SMARCC1: variants seen among roughly 807,000 people sequenced by gnomAD.
SMARCC1 encodes SWI/SNF complex subunit SMARCC1.
A neutral mutation model predicts 147.4 loss-of-function variants in SMARCC1; 43 were observed. That is an observed-to-expected ratio of 0.29 (90% CI 0.23 to 0.38). The LOEUF (loss-of-function observed/expected upper bound fraction) is 0.38. SMARCC1 is among the 10% of genes least tolerant of loss of function. The probability of loss-of-function intolerance (pLI) is 1.00; values close to 1 mark genes in which losing one functional copy is unlikely to be tolerated. For missense variants in SMARCC1, 1,119 were observed against 1,381.1 expected (o/e 0.81, Z 3.01); for synonymous variants, 495 against 484.4 (o/e 1.02, Z -0.29).
chr3:47,628,555 G>C (rs2032843982), intron 24 of SMARCC1, among the ~76,000 whole-genome samples: 1 of 152,116 alleles, frequency 6.6e-6, no homozygotes, highest in South Asian at 2.1e-4. Context: ...GAAAACATAG[G>C]TGTGGCTTTT....
intron 25 of SMARCC1, among the ~76,000 whole-genome samples, chr3:47,615,411 A>G (rs929641169): frequency 2.6e-5 from 4 of 152,204 alleles, no homozygotes; most frequent in Non-Finnish European, 5.9e-5. Context: ...CAGTCTCCTA[A>G]GCAATCATTC....
intron 7 of SMARCC1, among the ~76,000 whole-genome samples, chr3:47,716,072 T>C (rs1229604335): frequency 6.6e-6 from 1 of 151,296 alleles, no homozygotes; most frequent in Non-Finnish European, 1.5e-5. Flanking sequence ...TCTAGTATGA[T>C]GACAAGTATT....
chr3:47,702,576 C>A (rs976893893), intron 10 of SMARCC1, among the ~76,000 whole-genome samples: 1 of 152,014 alleles, frequency 6.6e-6, no homozygotes, highest in African/African-American at 2.4e-5. Flanking sequence ...GGAAACAGGG[C>A]GAGACCCCAT....
At chr3:47,777,763 G>C (rs1446704867) in intron 1 of SMARCC1, among the ~76,000 whole-genome samples, 1 of 151,666 alleles carries the variant, frequency 6.6e-6, no homozygotes, top group African/African-American at 2.4e-5. Context: ...CCTGACCTCA[G>C]GTGATCCACC....
intron 21 of SMARCC1, among the ~76,000 whole-genome samples, chr3:47,648,407 G>C (rs1359787267): frequency 6.6e-6 from 1 of 151,878 alleles, no homozygotes; most frequent in African/African-American, 2.4e-5. Flanking sequence ...TTTTTTAAGA[G>C]ACAGAGTCTT....
At chr3:47,766,604 T>C (rs2034843787) in intron 2 of SMARCC1, among the ~76,000 whole-genome samples, 1 of 152,074 alleles carries the variant, frequency 6.6e-6, no homozygotes. Flanking sequence ...CTCTATCCTA[T>C]TATTACAATT....
intron 9 of SMARCC1, among the ~76,000 whole-genome samples, chr3:47,707,649 G>A (rs952984530): frequency 1.3e-5 from 2 of 152,034 alleles, no homozygotes; most frequent in African/African-American, 4.8e-5. Flanking sequence ...CGAGGCGGGG[G>A]GAATGCTTGA....
chr3:47,692,022 T>C (rs2033796437), intron 12 of SMARCC1, among the ~76,000 whole-genome samples: 1 of 152,154 alleles, frequency 6.6e-6, no homozygotes, highest in South Asian at 2.1e-4. Flanking sequence ...GACTGCAATT[T>C]ATTCAAATAC....
intron 14 of SMARCC1, among the ~76,000 whole-genome samples, chr3:47,683,085 C>G (rs547343820): frequency 5.6e-4 from 85 of 152,316 alleles, no homozygotes; most frequent in African/African-American, 2.0e-3. Flanking sequence ...CTCTGTCGCC[C>G]AGGCTGGAGT....
At chr3:47,716,850 A>G (rs1346055945) in intron 7 of SMARCC1, among the ~76,000 whole-genome samples, 1 of 152,234 alleles carries the variant, frequency 6.6e-6, no homozygotes, top group Admixed American at 6.5e-5. Flanking sequence ...GCCTAGTCAC[A>G]TGTACTTGTA....
chr3:47,656,661 T>A (rs1559636519), intron 21 of SMARCC1, among the ~76,000 whole-genome samples: 1 of 152,128 alleles, frequency 6.6e-6, no homozygotes, highest in African/African-American at 2.4e-5. Context: ...ATGCCTGTAA[T>A]CCCAGCACTT....
chr3:47,769,376 C>T (rs1016781236), intron 2 of SMARCC1, among the ~76,000 whole-genome samples: 8 of 151,450 alleles, frequency 5.3e-5, no homozygotes, highest in East Asian at 3.9e-4. Flanking sequence ...ATTAGCCGGG[C>T]GCAGTGGCAG....
intron 21 of SMARCC1, among the ~76,000 whole-genome samples, chr3:47,651,105 G>C (rs1050344862): frequency 6.6e-6 from 1 of 152,086 alleles, no homozygotes; most frequent in East Asian, 1.9e-4. Context: ...AGGAGTTTGA[G>C]ACCAGCCTAA....
At chr3:47,606,653 T>C (rs1171497745) in intron 26 of SMARCC1, among the ~76,000 whole-genome samples, 1 of 152,166 alleles carries the variant, frequency 6.6e-6, no homozygotes, top group Non-Finnish European at 1.5e-5. Flanking sequence ...TACAGTAAAC[T>C]TCCTCTTAAA....
chr3:47,737,966 C>T, intron 4 of SMARCC1, 63 bp downstream of exon 4: 3 of 1,253,770 alleles, frequency 2.4e-6, no homozygotes, highest in Non-Finnish European at 3.4e-6. Context: ...CCTGGCCAGC[C>T]AATCTTAAAA....
At chr3:47,682,852 G>A (rs2106764721) in intron 14 of SMARCC1, among the ~76,000 whole-genome samples, 1 of 152,248 alleles carries the variant, frequency 6.6e-6, no homozygotes, top group African/African-American at 2.4e-5. Flanking sequence ...AAGCAAAATT[G>A]TGAATGTTTA....
At chr3:47,681,509 A>G (rs908712890) in intron 14 of SMARCC1, among the ~76,000 whole-genome samples, 1 of 152,214 alleles carries the variant, frequency 6.6e-6, no homozygotes, top group African/African-American at 2.4e-5. Flanking sequence ...AACAAACTGT[A>G]TATCTAGCAC....
At chr3:47,708,074 ATTTTTTTTCT>A (rs2034032002) in intron 9 of SMARCC1, among the ~76,000 whole-genome samples, 4 of 41,624 alleles carry the variant, frequency 9.6e-5, no homozygotes, top group African/African-American at 2.2e-4. Context: ...CTGAAGTTGA[ATTTTTTTTCT>A]TTTTTTTTTT....
At chr3:47,662,064 G>A (rs1484352442) in intron 20 of SMARCC1, among the ~76,000 whole-genome samples, 3 of 151,014 alleles carry the variant, frequency 2.0e-5, no homozygotes, top group African/African-American at 7.3e-5. Context: ...GCACGATCTC[G>A]GCTCACTGCA....
Sources: gnomAD v4.1 joint callset for allele counts (sites outside exome capture counted in the v4.1 genomes callset) on GRCh38, gnomAD v4.1.1 for gene constraint, MANE v1.5 for transcripts, NCBI Gene and HGNC (gene_info 2026-07-23, HGNC 2026-07-21) for gene names.